The following GAK variants were observed in gnomAD, a reference collection of about 807,000 sequenced individuals.
GAK encodes the protein cyclin G associated kinase.
GAK carries 79 observed loss-of-function variants against 143.9 expected under a neutral mutation model. The ratio of observed to expected loss-of-function variants is 0.55; its 90% CI spans 0.46 to 0.66. GAK has a LOEUF of 0.66. GAK is among the 30% of genes least tolerant of loss of function. GAK has a pLI of 0.00. For missense variants in GAK, 1,693 were observed against 1,779.7 expected, an observed-to-expected ratio of 0.95 and a Z score of 0.88; for synonymous variants, 881 against 765.5, an observed-to-expected ratio of 1.15 and a Z score of -2.49.
At chr4:856,572 A>C (rs1749290375) in intron 24 of GAK, among the ~76,000 whole-genome samples, 1 of 133,998 alleles carries the variant, frequency 7.5e-6, no homozygotes. Flanking sequence ...GCTGCTCACC[A>C]CAGCTGCTCA....
chr4:918,605 G>C (rs1723416069), intron 1 of GAK, among the ~76,000 whole-genome samples: 2 of 152,242 alleles, frequency 1.3e-5, no homozygotes, highest in Non-Finnish European at 2.9e-5. Flanking sequence ...ATTCCACGAT[G>C]CATATATACT....
At chr4:865,315 G>A in intron 22 of GAK, 71 bp from the exon 23 acceptor site, 1 of 1,596,864 alleles carries the variant, frequency 6.3e-7, no homozygotes, top group Non-Finnish European at 8.5e-7. Context: ...GGGGCGCCAG[G>A]CTGTGCTCAG....
At chr4:902,602 A>AAAAAAAAAAC (rs1312166433) in intron 5 of GAK, among the ~76,000 whole-genome samples, 1 of 149,286 alleles carries the variant, frequency 6.7e-6, no homozygotes, top group African/African-American at 2.5e-5. Context: ...GACTCAAAAA[A>AAAAAAAAAAC]AAAAAAAAAA....
rs535238444 is a variant in GAK, at chr4:868,565, C to T, written c.2369G>A (p.Arg790His). The change falls in exon 20 of 28, where the codon CGC (arginine) becomes CAC (histidine). Residue 790 changes from arginine to histidine, a missense_variant. Transcript: ENST00000314167. ...CTGCCAGTCCAGCGTGTGCAGGAAG[C>T]GACTGGCGTCCGCGCTGCTGCTTGG... The part of the protein sequence containing the change: ...SPPSSSADAS[R>H]FLHTLDWQEE... 1.6e-4 allele frequency: 263 copies of T among 1,607,510 alleles called. No homozygotes were observed. Among genetic ancestry groups the T allele is most frequent in the Non-Finnish European group, 2.1e-4 (250 of 1,178,036 alleles).
intron 8 of GAK, among the ~76,000 whole-genome samples, 179 bp downstream of exon 8, chr4:893,695 C>T (rs909289756): frequency 3.7e-4 from 54 of 147,290 alleles, no homozygotes; most frequent in Admixed American, 9.5e-4. Flanking sequence ...AATTCACCAG[C>T]GGGGTGGGCG....
intron 14 of GAK, among the ~76,000 whole-genome samples, 162 bp downstream of exon 14, chr4:882,535 G>C (rs949010304): frequency 6.6e-6 from 1 of 152,250 alleles, no homozygotes; most frequent in Non-Finnish European, 1.5e-5. Context: ...TCTGTCATCT[G>C]TCCCCTCCAG....
chr4:902,610 A>AAAAAAAAAAAAAC (rs1720131458), intron 5 of GAK, among the ~76,000 whole-genome samples: 1 of 150,322 alleles, frequency 6.7e-6, no homozygotes, highest in African/African-American at 2.4e-5. Flanking sequence ...AAAAAAAAAA[A>AAAAAAAAAAAAAC]AAAACCCCAA....
intron 26 of GAK, 143 bp downstream of exon 26, chr4:850,793 C>T (rs1025733197): frequency 5.7e-5 from 51 of 900,128 alleles, no homozygotes; most frequent in Middle Eastern, 3.7e-4. Flanking sequence ...TGTCTGGAGA[C>T]GCCGGCTCCA....
intron 19 of GAK, among the ~76,000 whole-genome samples, chr4:870,378 T>A (rs1041135471): frequency 4.6e-5 from 7 of 152,158 alleles, no homozygotes; most frequent in Non-Finnish European, 8.8e-5. Context: ...AGAGTGGACG[T>A]GTGTCCAGCA....
chr4:889,503 G>A (rs1240394032), intron 10 of GAK, among the ~76,000 whole-genome samples: 5 of 152,044 alleles, frequency 3.3e-5, no homozygotes, highest in East Asian at 1.9e-4. Flanking sequence ...GGCCCAGGCA[G>A]CACCGAGCAG....
intron 1 of GAK, among the ~76,000 whole-genome samples, chr4:922,863 C>A (rs1724123983): frequency 6.6e-6 from 1 of 152,214 alleles, no homozygotes; most frequent in Non-Finnish European, 1.5e-5. Flanking sequence ...AGTGTCACAG[C>A]AGCTTTATCT....
chr4:855,429 T>C (rs1014050703), intron 24 of GAK, among the ~76,000 whole-genome samples: 6 of 152,228 alleles, frequency 3.9e-5, no homozygotes, highest in Admixed American at 2.0e-4. Context: ...GATTTTTGTG[T>C]GTTGACCTGG....
chr4:868,600 A>G lies in GAK; in HGVS notation c.2334T>C (p.Ser778=). Residue 778 remains serine (S), a synonymous_variant, in exon 20 of 28, where the codon TCT becomes TCC. Transcript: ENST00000314167. ...CCGCGCTGCTGCTTGGCGGTGAGTC[A>G]GAGTCTGTGGGTTCGGCTTCCGGGG... ...AGSPEAEPTD[S]DSPPSSSADA... is the part of the protein sequence containing the mutation. 1.9e-6 allele frequency: 3 copies of G among 1,601,642 alleles called. No homozygotes were observed. Among genetic ancestry groups the G allele is most frequent in the Middle Eastern group, 1.7e-4 (1 of 6,030 alleles).
intron 23 of GAK, among the ~76,000 whole-genome samples, chr4:862,926 CA>C (rs1271970091): frequency 6.6e-6 from 1 of 152,236 alleles, no homozygotes; most frequent in Non-Finnish European, 1.5e-5. Flanking sequence ...ATCTGTTCTG[CA>C]GCCCTTGGAT....
intron 27 of GAK, 59 bp from the exon 28 acceptor site, chr4:849,833 G>GGGGGGGGGGCCCCCCCCC: frequency 8.4e-7 from 1 of 1,190,154 alleles, no homozygotes; most frequent in Non-Finnish European, 1.2e-6. Context: ...GGCGGGGCAG[G>GGGGGGGGGGCCCCCCCCC]ACCCCCCCCC....
intron 24 of GAK, chr4:859,176 C>T (rs916377826): frequency 1.5e-5 from 15 of 984,810 alleles, no homozygotes; most frequent in Non-Finnish European, 1.7e-5. Context: ...CAGACCACAG[C>T]GCCCGGGCCG....
At chr4:862,188 G>A (rs560825267) in intron 23 of GAK, among the ~76,000 whole-genome samples, 213 of 151,964 alleles carry the variant, frequency 1.4e-3, no homozygotes, top group African/African-American at 4.9e-3. Flanking sequence ...ATATGAGACG[G>A]CCTAAGTCAT....
Position 904,708 on chromosome 4 carries a change from A to T in GAK, c.454T>A (p.Phe152Ile). Reference sequence around the variant, plus strand: ...TGCACGGCGCGGCACGTCTGGTAGAAGATCTTCAGAACCGTGTCGCACGAA... The same window carrying T: ...TGCACGGCGCGGCACGTCTGGTAGATGATCTTCAGAACCGTGTCGCACGAA... ...PLSCDTVLKI[F>I]YQTCRAVQHM... Residue 152 changes from phenylalanine to isoleucine, a missense_variant, in exon 5 of 28, where the codon TTC (phenylalanine) becomes ATC (isoleucine). Physicochemically the swap from Phe to Ile is conservative, Grantham distance 21. Transcript: ENST00000314167. The T allele has an allele frequency of 6.2e-6, 10 of 1,614,084 alleles. No homozygotes were observed. Among genetic ancestry groups the T allele is most frequent in the Non-Finnish European group, 7.6e-6 (9 of 1,179,962 alleles).
intron 8 of GAK, 69 bp downstream of exon 8, chr4:893,805 G>T: frequency 6.7e-7 from 1 of 1,486,036 alleles, no homozygotes; most frequent in Non-Finnish European, 9.0e-7. Context: ...AGGGGAGCGG[G>T]GTCTCCAGAG....
Sources: gnomAD v4.1 joint callset for allele counts (sites outside exome capture counted in the v4.1 genomes callset) on GRCh38, gnomAD v4.1.1 for gene constraint, MANE v1.5 for transcripts, NCBI Gene and HGNC (gene_info 2026-07-23, HGNC 2026-07-21) for gene names.